MGMT: variants seen among roughly 807,000 people sequenced by gnomAD.
MGMT encodes the protein methylated-DNA--protein-cysteine methyltransferase.
MGMT carries 14 observed loss-of-function variants against 15.9 expected under a neutral mutation model. The observed-to-expected ratio is 0.88, with a 90% CI of 0.58 to 1.37. The LOEUF (loss-of-function observed/expected upper bound fraction) is 1.37, where lower values mean the gene tolerates loss of function less well. Among genes scored for constraint, MGMT ranks in the 40% most tolerant of loss-of-function variants. MGMT has a pLI of 0.00. For missense variants in MGMT, 282 were observed against 268.1 expected (o/e 1.05, Z -0.36); for synonymous variants, 130 against 118.2 (o/e 1.10, Z -0.65).
rs181760685 is a variant in MGMT at position 129,663,004 on chromosome 10, G to A, written c.126-44891G>A. ...TTCTCAGTACAAGACAGGTCAAGTG[G>A]CCACAAGTAAGGAATGATACAGGAG... On this transcript the variant is annotated intron_variant, in intron 2 of 4. Coordinates refer to ENST00000651593, the MANE Select transcript of MGMT (RefSeq NM_002412.5). 1.2e-4 allele frequency among the ~76,000 whole-genome samples: 18 copies of A among 152,266 alleles called. No homozygotes were observed. The East Asian group carries it at 3.1e-3, about 26-fold the overall frequency.
At chr10:129,583,746 C>A (rs968471737) in intron 2 of MGMT, among the ~76,000 whole-genome samples, 11 of 152,214 alleles carry the variant, frequency 7.2e-5, no homozygotes, top group African/African-American at 2.7e-4. Context: ...ATGTCCTCCT[C>A]GTCTCTGTAG....
chr10:129,502,511 A>C (rs1845584677), intron 1 of MGMT, among the ~76,000 whole-genome samples: 1 of 152,164 alleles, frequency 6.6e-6, no homozygotes, highest in African/African-American at 2.4e-5. Context: ...ATAAATGATC[A>C]CATAATTGTT....
rs1437096089 is a variant in MGMT, at chr10:129,707,912, C to A, written c.143C>A (p.Ala48Asp). The change falls in exon 3 of 5, where the codon GCC (alanine) becomes GAC (aspartate). Residue 48 changes from alanine to aspartate, a missense_variant. Physicochemically the swap from Ala to Asp is moderately radical, Grantham distance 126. Transcript: ENST00000651593. ...TSAADAVEVP[A>D]PAAVLGGPEP... ...TTTTGCAGTGCCGTGGAGGTCCCAGCCCCCGCTGCGGTTCTCGGAGGTCCG... is the reference window on the plus strand; with the variant it reads ...TTTTGCAGTGCCGTGGAGGTCCCAGACCCCGCTGCGGTTCTCGGAGGTCCG... 1.2e-6 allele frequency: 2 copies of A among 1,611,704 alleles called. No individual in the cohort carries two copies. The highest frequency in any genetic ancestry group is 2.2e-5 in the East Asian group (1 of 44,828).
chr10:129,544,109 G>A (rs1846073777), intron 2 of MGMT, among the ~76,000 whole-genome samples: 1 of 152,186 alleles, frequency 6.6e-6, no homozygotes, highest in African/African-American at 2.4e-5. Flanking sequence ...GGCTCTGTTT[G>A]TGAAGGGAGG....
intron 2 of MGMT, among the ~76,000 whole-genome samples, chr10:129,553,088 C>T (rs939348645): frequency 6.6e-6 from 1 of 152,140 alleles, no homozygotes; most frequent in Non-Finnish European, 1.5e-5. Context: ...AGCTTCCCAC[C>T]GCATGGAGTT....
At chr10:129,711,239 A>C (rs1237744784) in intron 3 of MGMT, among the ~76,000 whole-genome samples, 1 of 152,236 alleles carries the variant, frequency 6.6e-6, no homozygotes, top group East Asian at 1.9e-4. Flanking sequence ...GCTAACCACA[A>C]AAATATGCAT....
intron 2 of MGMT, among the ~76,000 whole-genome samples, chr10:129,697,644 T>A (rs1417375142): frequency 6.6e-6 from 1 of 152,162 alleles, no homozygotes; most frequent in Non-Finnish European, 1.5e-5. Flanking sequence ...TCGAGCTGTT[T>A]TCCCAGAGTG....
At chr10:129,744,107 A>G (rs1241290017) in intron 3 of MGMT, among the ~76,000 whole-genome samples, 2 of 152,206 alleles carry the variant, frequency 1.3e-5, no homozygotes, top group Non-Finnish European at 1.5e-5. Flanking sequence ...CCCCAAAGAC[A>G]TTCCAAAAAC....
chr10:129,474,975 G>T (rs1368110446), intron 1 of MGMT, among the ~76,000 whole-genome samples: 1 of 152,082 alleles, frequency 6.6e-6, no homozygotes, highest in Non-Finnish European at 1.5e-5. Flanking sequence ...TGGCTAGACT[G>T]AATGAGGTGA....
At chr10:129,586,332 C>G (rs1324331095) in intron 2 of MGMT, among the ~76,000 whole-genome samples, 4 of 152,158 alleles carry the variant, frequency 2.6e-5, no homozygotes, top group Admixed American at 2.0e-4. Context: ...TCTGTGATTC[C>G]TCTCCTCACC....
chr10:129,760,021 G>A (rs1194152232), intron 4 of MGMT, among the ~76,000 whole-genome samples: 2 of 152,204 alleles, frequency 1.3e-5, no homozygotes, highest in African/African-American at 4.8e-5. Flanking sequence ...TAAACTCCAG[G>A]CTCCCAGGCT....
chr10:129,718,783 T>G (rs911755516), intron 3 of MGMT, among the ~76,000 whole-genome samples: 3 of 151,854 alleles, frequency 2.0e-5, no homozygotes, highest in Non-Finnish European at 2.9e-5. Flanking sequence ...CTTTCTGAGA[T>G]GTCTAGAGCC....
intron 2 of MGMT, among the ~76,000 whole-genome samples, chr10:129,674,607 G>A (rs1847763617): frequency 6.6e-6 from 1 of 152,256 alleles, no homozygotes; most frequent in African/African-American, 2.4e-5. Context: ...GTCCTGGAAG[G>A]TGAAAAGAGT....
chr10:129,706,231 T>C (rs11016884), intron 2 of MGMT, among the ~76,000 whole-genome samples: 48,358 of 152,138 alleles, frequency 0.32, 7,902 homozygotes, highest in Admixed American at 0.37. Flanking sequence ...CTGTCCTACG[T>C]CCGGGATGGC....
At chr10:129,603,784 A>C (rs1283598549) in intron 2 of MGMT, among the ~76,000 whole-genome samples, 4 of 152,216 alleles carry the variant, frequency 2.6e-5, no homozygotes, top group Admixed American at 2.6e-4. Context: ...GAAGAATAAA[A>C]CTTTCTTTTA....
At chr10:129,755,759 G>A (rs983631161) in intron 3 of MGMT, among the ~76,000 whole-genome samples, 4 of 152,256 alleles carry the variant, frequency 2.6e-5, no homozygotes, top group East Asian at 1.9e-4. Flanking sequence ...GAGCCTGGCC[G>A]TGTGCAGTGG....
At chr10:129,492,332 G>A (rs556413237) in intron 1 of MGMT, among the ~76,000 whole-genome samples, 10 of 152,168 alleles carry the variant, frequency 6.6e-5, no homozygotes, top group East Asian at 1.9e-4. Flanking sequence ...AGCTTCCCAC[G>A]TCCCCTGTTT....
intron 1 of MGMT, among the ~76,000 whole-genome samples, chr10:129,526,938 G>A (rs1255746301): frequency 2.0e-5 from 3 of 152,224 alleles, no homozygotes; most frequent in Non-Finnish European, 4.4e-5. Flanking sequence ...GAGATGAAAC[G>A]AAATTCATTT....
chr10:129,678,379 G>A (rs1221560931), intron 2 of MGMT, among the ~76,000 whole-genome samples: 1 of 151,978 alleles, frequency 6.6e-6, no homozygotes, highest in Non-Finnish European at 1.5e-5. Flanking sequence ...CTCTGAGCAG[G>A]AACAAGTGCC....
Sources: allele counts gnomAD v4.1 joint callset (sites outside exome capture counted in the v4.1 genomes callset), GRCh38; gene constraint gnomAD v4.1.1; transcripts MANE v1.5; gene names NCBI Gene and HGNC (gene_info 2026-07-23, HGNC 2026-07-21).